Variants in SMG7 observed in about 807,000 individuals in gnomAD.
SMG7 encodes nonsense-mediated mRNA decay factor SMG7.
Under a neutral mutation model 148.2 loss-of-function variants are expected in SMG7, and 34 were observed. The observed-to-expected ratio is 0.23, with a 90% CI of 0.17 to 0.31. SMG7 has a LOEUF of 0.31. Among genes scored for constraint, SMG7 ranks in the 10% least tolerant of loss-of-function variants. The pLI, the probability that SMG7 is intolerant of heterozygous loss-of-function variation, is 1.00. For missense variants in SMG7, 1,114 were observed against 1,408.4 expected (o/e 0.79, Z 3.35); for synonymous variants, 492 against 515.1 (o/e 0.96, Z 0.61).
intron 17 of SMG7, 128 bp from the exon 18 acceptor site, chr1:183,546,975 T>G: frequency 1.1e-6 from 1 of 891,998 alleles, no homozygotes; most frequent in Non-Finnish European, 1.6e-6. Context: ...GTTTTTTCTC[T>G]TTGCCTAATA....
At position 183,472,521 on chromosome 1, in the gene SMG7, TG is replaced by T; in HGVS notation, c.-98del. 8.6e-7 allele frequency: 1 copy of T among 1,165,204 alleles called. No homozygotes were observed. The highest frequency in any genetic ancestry group is 1.1e-6 in the Non-Finnish European group (1 of 883,210). The allele number at this position is 1,165,204 out of a possible 1,614,324, so 72.2% of individuals were successfully genotyped here. On this transcript the variant is annotated 5_prime_UTR_variant, in exon 1 of 23. An upstream open reading frame in the 5' UTR loses its in-frame stop. Coordinates refer to ENST00000688051, the MANE Select transcript of SMG7 (RefSeq NM_001375584.1). ...GAGGAGGAGCCGGAGGAGAGGAAGA[TG>T]GCGGCGGCCGCCAGCACCCGCGGTG...
chr1:183,502,437 T>C, intron 1 of SMG7: 1 of 1,445,574 alleles, frequency 6.9e-7, no homozygotes, highest in African/African-American at 1.4e-5. Context: ...TTATTCCTTT[T>C]GGAGATGTGT....
chr1:183,498,441 C>T (rs75788963), intron 1 of SMG7, among the ~76,000 whole-genome samples: 4 of 152,118 alleles, frequency 2.6e-5, no homozygotes, highest in Non-Finnish European at 4.4e-5. Flanking sequence ...AAGAAGGAGC[C>T]TAGGAGGTTG....
rs1671199899 is a variant in SMG7, at chr1:183,552,315, T to C, written c.*384T>C. 3.0e-6 allele frequency: 3 copies of C among 1,001,346 alleles called. No homozygotes were observed. The highest frequency in any genetic ancestry group is 4.6e-5 in the South Asian group (1 of 21,654). 62.0% of individuals were successfully genotyped at this position (1,001,346 alleles called of 1,614,324 possible). A position where few individuals can be genotyped will look rare whatever the true frequency, so the allele number is the denominator to read the frequency against. On this transcript the variant is annotated 3_prime_UTR_variant, in exon 23 of 23. Transcript: ENST00000688051. ...GGAACTTCTCAGTCCTTTTTTCCTC[T>C]TTGGGGAATAAAATAGGAATCCATT...
In SMG7 at chr1:183,546,263, A is replaced by G. The variant is rs773686652; in HGVS notation, c.2668A>G (p.Ile890Val). 29 of 1,614,044 alleles carry G rather than the reference A, an allele frequency of 1.8e-5. No homozygotes were observed. The Admixed American group carries it at 4.7e-4, about 26-fold the overall frequency. Residue 890 changes from isoleucine to valine, a missense_variant, in exon 17 of 23, where the codon ATA (isoleucine) becomes GTA (valine). Physicochemically the swap from Ile to Val is conservative, Grantham distance 29. This residue lies in a region of SMG7 where 788 missense variants were observed against 894.5 expected (regional missense o/e 0.88). Transcript: ENST00000688051. The part of the protein sequence containing the change: ...NRSVMAQQAN[I>V]DRRGKRSPGV... ...ATCTGTAATGGCACAGCAAGCAAAC[A>G]TAGACCGCAGGGGCAAACGGTCACC...
chr1:183,549,089 A>C, intron 18 of SMG7, 119 bp from the exon 19 acceptor site: 3 of 707,496 alleles, frequency 4.2e-6, no homozygotes, highest in Non-Finnish European at 7.2e-6. Context: ...TCTGAGCCTC[A>C]AATTGTACTC....
chr1:183,482,813 T>A (rs1654501093), intron 1 of SMG7, among the ~76,000 whole-genome samples: 1 of 152,154 alleles, frequency 6.6e-6, no homozygotes, highest in South Asian at 2.1e-4. Context: ...CTCCCATGGA[T>A]AATGGAGGAC....
chr1:183,489,573 A>T (rs1464094697), intron 1 of SMG7, among the ~76,000 whole-genome samples: 1 of 152,180 alleles, frequency 6.6e-6, no homozygotes, highest in East Asian at 1.9e-4. Flanking sequence ...GGAATATTTA[A>T]TGAATATCTA....
At chr1:183,483,205 G>A (rs1453179371) in intron 1 of SMG7, among the ~76,000 whole-genome samples, 1 of 152,030 alleles carries the variant, frequency 6.6e-6, no homozygotes, top group Non-Finnish European at 1.5e-5. Flanking sequence ...TTCTCAGATC[G>A]CAGAAGTTGA....
chr1:183,529,648 A>T (rs1666518989), intron 8 of SMG7, 115 bp downstream of exon 8: 1 of 763,866 alleles, frequency 1.3e-6, no homozygotes, highest in East Asian at 2.7e-5. Flanking sequence ...ATTGGTAAAA[A>T]TTATATTCGA....
In SMG7 at chr1:183,551,094, GAGC is replaced by G; in HGVS notation, c.3357_3359del (p.Ser1120del). 6.2e-7 allele frequency: 1 copy of G among 1,613,682 alleles called. No homozygotes were observed. The highest frequency in any genetic ancestry group is 8.5e-7 in the Non-Finnish European group (1 of 1,179,894). ...ATCTCTCAGCAACGTCATCCTCTGAGAGCAGTTGGCATCAGGCCAGCACTCCGA... is the reference window on the plus strand; with the variant it reads ...ATCTCTCAGCAACGTCATCCTCTGAGAGTTGGCATCAGGCCAGCACTCCGA... On this transcript the variant is annotated inframe_deletion, in exon 22 of 23. Coordinates refer to ENST00000688051, the MANE Select transcript of SMG7 (RefSeq NM_001375584.1).
At chr1:183,477,690 A>G (rs1043795467) in intron 1 of SMG7, among the ~76,000 whole-genome samples, 3 of 144,548 alleles carry the variant, frequency 2.1e-5, no homozygotes, top group Non-Finnish European at 4.6e-5. Context: ...GTGTGTGCAT[A>G]TGTGTATATA....
At chr1:183,476,274 C>G (rs1432370429) in intron 1 of SMG7, among the ~76,000 whole-genome samples, 1 of 152,136 alleles carries the variant, frequency 6.6e-6, no homozygotes, top group Non-Finnish European at 1.5e-5. Flanking sequence ...GTTTTCGTGA[C>G]CTTGACTTGA....
chr1:183,542,699 AT>A (rs1669088414), intron 14 of SMG7, among the ~76,000 whole-genome samples, 197 bp downstream of exon 14: 1 of 152,168 alleles, frequency 6.6e-6, no homozygotes, highest in African/African-American at 2.4e-5. Context: ...TGAAAAAAAA[AT>A]CTCAGCCTGA....
At chr1:183,535,524 A>T (rs1197667842) in intron 10 of SMG7, among the ~76,000 whole-genome samples, 1 of 152,234 alleles carries the variant, frequency 6.6e-6, no homozygotes, top group Admixed American at 6.5e-5. Context: ...TGTGTGTCTA[A>T]TACACTAAAG....
intron 1 of SMG7, chr1:183,508,096 G>A (rs2702200): frequency 0.57 from 514,772 of 908,572 alleles, 148,128 homozygotes; most frequent in East Asian, 0.88. Flanking sequence ...ACATTTTAAA[G>A]TTCTTGCCTC....
At chr1:183,499,831 T>C (rs939701702) in intron 1 of SMG7, among the ~76,000 whole-genome samples, 1 of 152,204 alleles carries the variant, frequency 6.6e-6, no homozygotes, top group Non-Finnish European at 1.5e-5. Context: ...TCTACTCATA[T>C]TTTTGCTTTC....
At chr1:183,485,149 C>T (rs1363557807) in intron 1 of SMG7, among the ~76,000 whole-genome samples, 1 of 152,190 alleles carries the variant, frequency 6.6e-6, no homozygotes, top group South Asian at 2.1e-4. Context: ...GCATAGGAGA[C>T]ATACATGCAG....
At chr1:183,537,939 AC>A (rs1558044181) in intron 11 of SMG7, among the ~76,000 whole-genome samples, 1 of 152,154 alleles carries the variant, frequency 6.6e-6, no homozygotes, top group Non-Finnish European at 1.5e-5. Flanking sequence ...ATTAATTTGC[AC>A]ATAAATCACC....
Sources: allele counts gnomAD v4.1 joint callset (sites outside exome capture counted in the v4.1 genomes callset), GRCh38; gene constraint gnomAD v4.1.1; regional missense constraint gnomAD v4.1.1; transcripts MANE v1.5; gene names NCBI Gene and HGNC (gene_info 2026-07-23, HGNC 2026-07-21).